LRRC1: variants seen among roughly 807,000 people sequenced by gnomAD.
LRRC1 encodes the protein leucine rich repeat containing 1.
LRRC1 carries 28 observed loss-of-function variants against 69.9 expected under a neutral mutation model. That is an observed-to-expected ratio of 0.40 (90% confidence interval 0.30 to 0.55). LRRC1 has a LOEUF of 0.55. Ranked by LOEUF, LRRC1 falls within the 20% of genes least tolerant of loss-of-function variation. The probability of loss-of-function intolerance (pLI) is 0.47; values close to 1 mark genes in which losing one functional copy is unlikely to be tolerated. For missense variants in LRRC1, 498 were observed against 609.0 expected (o/e 0.82, Z 1.92); for synonymous variants, 236 against 240.2 (o/e 0.98, Z 0.16).
intron 2 of LRRC1, among the ~76,000 whole-genome samples, chr6:53,853,521 G>A (rs1023865347): frequency 6.6e-6 from 1 of 152,058 alleles, no homozygotes; most frequent in African/African-American, 2.4e-5. Flanking sequence ...CTGACCTCAG[G>A]TTATCCACCT....
intron 1 of LRRC1, among the ~76,000 whole-genome samples, chr6:53,834,296 C>T (rs1765546217): frequency 6.6e-6 from 1 of 152,170 alleles, no homozygotes; most frequent in South Asian, 2.1e-4. Flanking sequence ...ATTGGTTTGG[C>T]AGCAACCCCA....
chr6:53,884,233 G>A, intron 4 of LRRC1: 1 of 509,518 alleles, frequency 2.0e-6, no homozygotes, highest in South Asian at 2.3e-5. Context: ...TGCTGGGCAT[G>A]GTGGCTCACA....
At chr6:53,892,007 T>TACACACAC (rs748031793) in intron 4 of LRRC1, among the ~76,000 whole-genome samples, 43 of 67,248 alleles carry the variant, frequency 6.4e-4, no homozygotes, top group East Asian at 3.1e-3. Context: ...AAAATATATA[T>TACACACAC]ATATACACAC....
chr6:53,863,911 A>G (rs1247951828), intron 2 of LRRC1, among the ~76,000 whole-genome samples: 1 of 152,182 alleles, frequency 6.6e-6, no homozygotes, highest in Non-Finnish European at 1.5e-5. Context: ...CTTTATTATC[A>G]GAAAACCTTT....
intron 11 of LRRC1, among the ~76,000 whole-genome samples, chr6:53,916,035 G>A (rs766040513): frequency 6.6e-6 from 1 of 152,146 alleles, no homozygotes; most frequent in Non-Finnish European, 1.5e-5. Context: ...AACTTTCTTT[G>A]CAGTTTGGTA....
At chr6:53,914,856 C>G (rs570321713) in intron 11 of LRRC1, among the ~76,000 whole-genome samples, 1 of 152,208 alleles carries the variant, frequency 6.6e-6, no homozygotes, top group African/African-American at 2.4e-5. Context: ...TGAGAATTGC[C>G]TGTTTTCATA....
Position 53,795,508 on chromosome 6 carries a change from C to T in LRRC1, c.159+93C>T, listed in dbSNP as rs1052763892. 7 of 1,313,510 alleles carry T rather than the reference C, an allele frequency of 5.3e-6. No homozygotes were observed. The East Asian group carries it at 7.9e-5, about 15-fold the overall frequency. The allele number at this position is 1,313,510 out of a possible 1,614,324, so 81.4% of individuals were successfully genotyped here. On this transcript the variant is annotated intron_variant, in intron 1 of 13. Coordinates refer to ENST00000370888, the MANE Select transcript of LRRC1 (RefSeq NM_018214.5). ...TCGTCCCCTCTTCCATCTCCGGGTC[C>T]GGCGTGAAGGAACCTTCCCTCTTTT...
At chr6:53,836,092 T>C (rs1442261009) in intron 1 of LRRC1, among the ~76,000 whole-genome samples, 1 of 152,186 alleles carries the variant, frequency 6.6e-6, no homozygotes, top group Non-Finnish European at 1.5e-5. Flanking sequence ...AAAGCCACTC[T>C]AGCTTAAGGG....
chr6:53,919,204 A>C (rs983290496), intron 11 of LRRC1: 1 of 198,310 alleles, frequency 5.0e-6, no homozygotes, highest in African/African-American at 2.4e-5. Context: ...AAGACCATAA[A>C]AATGTGTCCT....
intron 10 of LRRC1, 29 bp downstream of exon 10, chr6:53,904,491 A>G: frequency 7.4e-7 from 1 of 1,344,748 alleles, no homozygotes; most frequent in Non-Finnish European, 1.1e-6. Context: ...ATCACATGAT[A>G]ATAATTATGA....
chr6:53,916,708 A>T (rs1348788877), intron 11 of LRRC1, among the ~76,000 whole-genome samples: 1 of 152,216 alleles, frequency 6.6e-6, no homozygotes, highest in Non-Finnish European at 1.5e-5. Flanking sequence ...CTTAAAACTA[A>T]AAATTCTAGT....
intron 2 of LRRC1, among the ~76,000 whole-genome samples, chr6:53,873,291 T>G (rs1024161705): frequency 2.1e-5 from 3 of 145,822 alleles, no homozygotes; most frequent in African/African-American, 7.7e-5. Flanking sequence ...CGATTTTTCT[T>G]TTTTTTTTTT....
At chr6:53,806,815 GAAA>G (rs1764646506) in intron 1 of LRRC1, among the ~76,000 whole-genome samples, 6 of 151,980 alleles carry the variant, frequency 3.9e-5, no homozygotes, top group Admixed American at 3.9e-4. Flanking sequence ...ACCAATTAAG[GAAA>G]AAAGATCAGC....
chr6:53,921,404 A>G (rs549701660), intron 13 of LRRC1, among the ~76,000 whole-genome samples: 2 of 152,144 alleles, frequency 1.3e-5, no homozygotes, highest in South Asian at 2.1e-4. Context: ...GTCTCTTCCC[A>G]TGTTGACTCC....
intron 3 of LRRC1, among the ~76,000 whole-genome samples, chr6:53,882,342 C>T (rs1366959891): frequency 6.6e-6 from 1 of 152,030 alleles, no homozygotes; most frequent in African/African-American, 2.4e-5. Context: ...AGTGAGACTC[C>T]ATCTCAAAAA....
rs534001990 is a variant in LRRC1, at chr6:53,801,099, G to A, written c.159+5684G>A. The stretch of plus-strand genomic sequence containing the variant: ...TGTGAACTTATTACAGAAATGATTT[G>A]TTGGTGTCAGAAGATGGCTGGAAGT... On this transcript the variant is annotated intron_variant, in intron 1 of 13. Transcript: ENST00000370888. 3.9e-5 allele frequency among the ~76,000 whole-genome samples: 6 copies of A among 152,314 alleles called. No homozygotes were observed. In the East Asian group the frequency reaches 1.2e-3, roughly 29 times the overall value.
intron 10 of LRRC1, among the ~76,000 whole-genome samples, chr6:53,910,242 A>T (rs147258909): frequency 8.7e-4 from 132 of 152,292 alleles, no homozygotes; most frequent in African/African-American, 3.1e-3. Flanking sequence ...AGGTGCTATT[A>T]TGTGGTTTAA....
chr6:53,922,418 A>G (rs1768765899), intron 13 of LRRC1, among the ~76,000 whole-genome samples: 1 of 152,226 alleles, frequency 6.6e-6, no homozygotes, highest in Admixed American at 6.5e-5. Flanking sequence ...TAATCCTTCT[A>G]TAGTAACTAG....
At chr6:53,832,642 T>C (rs1170219641) in intron 1 of LRRC1, among the ~76,000 whole-genome samples, 1 of 152,212 alleles carries the variant, frequency 6.6e-6, no homozygotes, top group Non-Finnish European at 1.5e-5. Context: ...TATATCCCCC[T>C]CTTTTCAAGT....
Sources: gnomAD v4.1 joint callset for allele counts (sites outside exome capture counted in the v4.1 genomes callset) on GRCh38, gnomAD v4.1.1 for gene constraint, MANE v1.5 for transcripts, NCBI Gene and HGNC (gene_info 2026-07-23, HGNC 2026-07-21) for gene names.